Variants in ESCO1 observed in about 807,000 individuals in gnomAD.
ESCO1 encodes the protein establishment of sister chromatid cohesion N-acetyltransferase 1.
ESCO1 carries 33 observed loss-of-function variants against 83.5 expected under a neutral mutation model. The observed-to-expected ratio is 0.40, with a 90% CI of 0.30 to 0.53. ESCO1 has a LOEUF of 0.53. ESCO1 is among the 20% of genes least tolerant of loss of function. The pLI, the probability that ESCO1 is intolerant of heterozygous loss-of-function variation, is 0.63. For missense variants in ESCO1, 855 were observed against 968.0 expected (o/e 0.88, Z 1.55); for synonymous variants, 332 against 324.3 (o/e 1.02, Z -0.25).
chr18:21,533,978 C>T (rs2037800075), intron 10 of ESCO1, among the ~76,000 whole-genome samples: 1 of 152,120 alleles, frequency 6.6e-6, no homozygotes, highest in South Asian at 2.1e-4. Context: ...TTCACAGACA[C>T]AAACATAGCA....
intron 8 of ESCO1, 83 bp from the exon 9 acceptor site, chr18:21,540,092 T>G: frequency 1.7e-6 from 2 of 1,193,796 alleles, no homozygotes; most frequent in Non-Finnish European, 2.3e-6. Context: ...ACGTACAAGA[T>G]AAAAAGTACA....
intron 2 of ESCO1, among the ~76,000 whole-genome samples, chr18:21,579,067 G>A (rs1280821169): frequency 6.6e-6 from 1 of 152,050 alleles, no homozygotes; most frequent in Admixed American, 6.6e-5. Context: ...TCACCATGTT[G>A]GCCAGGCGGG....
intron 8 of ESCO1, among the ~76,000 whole-genome samples, chr18:21,551,776 C>T (rs2038050812): frequency 6.6e-6 from 1 of 152,136 alleles, no homozygotes; most frequent in Admixed American, 6.5e-5. Flanking sequence ...GAGCTTAGAT[C>T]CCCAATCTCA....
At chr18:21,594,203 G>A (rs2038727334) in intron 1 of ESCO1, among the ~76,000 whole-genome samples, 1 of 152,160 alleles carries the variant, frequency 6.6e-6, no homozygotes, top group Admixed American at 6.5e-5. Flanking sequence ...ACTAAATTAG[G>A]AATTACAGGA....
At chr18:21,532,417 GC>G in intron 11 of ESCO1, 55 bp downstream of exon 11, 1 of 1,524,148 alleles carries the variant, frequency 6.6e-7, no homozygotes, top group Non-Finnish European at 8.9e-7. Context: ...TTACACTAAA[GC>G]TCTGCCTAAG....
At chr18:21,561,021 T>C (rs966028906) in intron 7 of ESCO1, 31 bp from the exon 8 acceptor site, 24 of 1,561,922 alleles carry the variant, frequency 1.5e-5, no homozygotes, top group Admixed American at 2.0e-5. Flanking sequence ...AAAGTTTTTT[T>C]CCTCCCAAAA....
chr18:21,560,400 A>C (rs575674381), intron 8 of ESCO1, among the ~76,000 whole-genome samples: 1 of 151,508 alleles, frequency 6.6e-6, no homozygotes, highest in African/African-American at 2.4e-5. Flanking sequence ...TAATCTTATA[A>C]AGAAAAACCC....
intron 6 of ESCO1, among the ~76,000 whole-genome samples, chr18:21,565,581 A>G (rs1292660407): frequency 1.3e-5 from 2 of 152,228 alleles, no homozygotes; most frequent in Non-Finnish European, 2.9e-5. Context: ...AAATGTTCAT[A>G]AAGCATAGAA....
At chr18:21,571,481 C>T (rs943661099) in intron 4 of ESCO1, among the ~76,000 whole-genome samples, 6 of 152,150 alleles carry the variant, frequency 3.9e-5, no homozygotes, top group African/African-American at 1.4e-4. Context: ...TGAGCCACCA[C>T]GCCTGGCAGG....
intron 8 of ESCO1, among the ~76,000 whole-genome samples, chr18:21,542,926 C>G (rs201817720): frequency 2.0e-5 from 3 of 152,044 alleles, no homozygotes; most frequent in Non-Finnish European, 2.9e-5. Context: ...GAAGAATAAT[C>G]AAATAGCCAC....
rs371497782 is a variant in ESCO1 at position 21,538,597 on chromosome 18, CAT to C, written c.2043+1321_2043+1322del. On this transcript the variant is annotated intron_variant, in intron 9 of 11. Coordinates refer to ENST00000269214, the MANE Select transcript of ESCO1 (RefSeq NM_052911.3). ...AGTTAAGAATCAGAAAATAAACTTA[CAT>C]ATTTTAAATAGATTATTAGCTAAAC... Among the ~76,000 whole-genome samples, 415 of 152,228 alleles carry C rather than the reference CAT, an allele frequency of 2.7e-3. 1 individual carries two copies. Among genetic ancestry groups the C allele is most frequent in the African/African-American group, 9.5e-3 (396 of 41,548 alleles).
intron 2 of ESCO1, among the ~76,000 whole-genome samples, chr18:21,577,888 C>T (rs2038442281): frequency 6.6e-6 from 1 of 152,146 alleles, no homozygotes; most frequent in Non-Finnish European, 1.5e-5. Context: ...TTTGCCTACT[C>T]AAAGGTTCCT....
chr18:21,529,648 T>C lies in ESCO1; in HGVS notation c.*695A>G, dbSNP rs1475438116. 1.3e-5 allele frequency: 2 copies of C among 152,210 alleles called. No individual in the cohort carries two copies. The highest frequency in any genetic ancestry group is 4.8e-5 in the African/African-American group (2 of 41,448). The allele number at this position is 152,210 out of a possible 1,614,324, so 9.4% of individuals were successfully genotyped here. On this transcript the variant is annotated 3_prime_UTR_variant, in exon 12 of 12. Transcript: ENST00000269214. ...AATGAATCTAGGAGGGTACCTTTCC[T>C]AATGCTTGTCATTTACAGCTCTCCA...
intron 2 of ESCO1, among the ~76,000 whole-genome samples, chr18:21,578,384 C>G (rs2038448088): frequency 1.3e-5 from 2 of 151,226 alleles, no homozygotes; most frequent in Admixed American, 1.3e-4. Flanking sequence ...TAAAGTAGAT[C>G]AAAATGACTA....
At chr18:21,600,416 T>A (rs1034140727) in intron 1 of ESCO1, among the ~76,000 whole-genome samples, 1 of 152,154 alleles carries the variant, frequency 6.6e-6, no homozygotes, top group African/African-American at 2.4e-5. Context: ...GCTGCCTACC[T>A]CAAGCGACGG....
chr18:21,567,004 T>C (rs1568103590), intron 5 of ESCO1, among the ~76,000 whole-genome samples: 3 of 152,340 alleles, frequency 2.0e-5, no homozygotes, highest in African/African-American at 7.2e-5. Context: ...AGTTAAATCA[T>C]GTCAATGATT....
intron 1 of ESCO1, among the ~76,000 whole-genome samples, chr18:21,592,289 C>G (rs905149402): frequency 6.6e-6 from 1 of 151,348 alleles, no homozygotes; most frequent in African/African-American, 2.4e-5. Flanking sequence ...GGCAGCTGGC[C>G]GGGCAGAGGG....
chr18:21,539,489 G>T (rs1386371565), intron 9 of ESCO1, among the ~76,000 whole-genome samples: 1 of 152,066 alleles, frequency 6.6e-6, no homozygotes, highest in Non-Finnish European at 1.5e-5. Context: ...CCCTTTAAAC[G>T]CTTATTTCTT....
chr18:21,586,729 TTTTA>T (rs1461535297), intron 1 of ESCO1, among the ~76,000 whole-genome samples: 5 of 152,180 alleles, frequency 3.3e-5, no homozygotes, highest in Non-Finnish European at 7.3e-5. Context: ...TCTGGACGCC[TTTTA>T]TTTCTTTCCC....
Sources: gnomAD v4.1 joint callset for allele counts (sites outside exome capture counted in the v4.1 genomes callset) on GRCh38, gnomAD v4.1.1 for gene constraint, MANE v1.5 for transcripts, NCBI Gene and HGNC (gene_info 2026-07-23, HGNC 2026-07-21) for gene names.